ANXA8: variants seen among roughly 807,000 people sequenced by gnomAD.
The protein encoded by ANXA8 is annexin A8.
ANXA8 carries 9 observed loss-of-function variants against 26.8 expected under a neutral mutation model. The ratio of observed to expected loss-of-function variants is 0.34; its 90% CI spans 0.20 to 0.59. ANXA8 has a LOEUF of 0.59. ANXA8 is among the 20% of genes least tolerant of loss of function. ANXA8 has a pLI of 0.84. For missense variants in ANXA8, 83 were observed against 238.5 expected (o/e 0.35, Z 4.29); for synonymous variants, 39 against 94.8 (o/e 0.41, Z 3.42).
At chr10:47,585,341 C>T in the ANXA8 span, among the ~76,000 whole-genome samples, 3 of 140,122 alleles carry the variant, frequency 2.1e-5, no homozygotes, top group African/African-American at 8.5e-5. Context: ...GTTAGTTCCT[C>T]AGATCAGAAC....
chr10:47,540,861 C>T, the ANXA8 span, among the ~76,000 whole-genome samples: 3 of 147,994 alleles, frequency 2.0e-5, no homozygotes, highest in Non-Finnish European at 3.0e-5. Context: ...GAATAACATC[C>T]ATTTTGAGTC....
chr10:47,597,665 GAA>G, the ANXA8 span, among the ~76,000 whole-genome samples: 2 of 114,402 alleles, frequency 1.7e-5, no homozygotes, highest in African/African-American at 3.9e-5. Context: ...AAGAGCCACA[GAA>G]AAAAAAAAAA....
At chr10:47,761,228 T>G in the ANXA8 span, among the ~76,000 whole-genome samples, 1 of 148,614 alleles carries the variant, frequency 6.7e-6, no homozygotes, top group Non-Finnish European at 1.5e-5. Context: ...TCTGGACCTG[T>G]TGCTTATGTG....
the ANXA8 span, among the ~76,000 whole-genome samples, chr10:47,715,455 A>T: frequency 4.0e-3 from 458 of 113,348 alleles, no homozygotes; most frequent in African/African-American, 0.011. Flanking sequence ...TGGAAAAAAA[A>T]AATAATAATA....
chr10:47,979,949 A>G, the ANXA8 span, among the ~76,000 whole-genome samples: 3 of 152,012 alleles, frequency 2.0e-5, no homozygotes, highest in Non-Finnish European at 4.4e-5. Context: ...ACCACAAGAT[A>G]ATAAATTTGT....
At chr10:47,976,433 C>CTTT in the ANXA8 span, among the ~76,000 whole-genome samples, 3 of 151,458 alleles carry the variant, frequency 2.0e-5, no homozygotes, top group Non-Finnish European at 4.4e-5. Flanking sequence ...CTCAGCTAGG[C>CTTT]ATGGTGGCTC....
At chr10:47,688,699 G>A in the ANXA8 span, among the ~76,000 whole-genome samples, 3 of 151,740 alleles carry the variant, frequency 2.0e-5, no homozygotes, top group African/African-American at 4.8e-5. Flanking sequence ...GTGATTACAG[G>A]CGTGAACCAC....
the ANXA8 span, chr10:47,763,196 TC>T: frequency 2.0e-6 from 2 of 988,776 alleles, no homozygotes; most frequent in Admixed American, 6.1e-5. Flanking sequence ...TCCGCGCGGG[TC>T]CCGGGCCCCA....
the ANXA8 span, among the ~76,000 whole-genome samples, chr10:47,709,555 A>G: frequency 6.7e-6 from 1 of 149,112 alleles, no homozygotes; most frequent in Admixed American, 6.6e-5. Flanking sequence ...AGACATAGTA[A>G]CTGAAGAATT....
At chr10:47,588,095 G>T in the ANXA8 span, among the ~76,000 whole-genome samples, 1 of 144,472 alleles carries the variant, frequency 6.9e-6, no homozygotes, top group Non-Finnish European at 1.5e-5. Flanking sequence ...TGGTGACAAT[G>T]GGAGAAAGTA....
At chr10:47,695,040 C>A in the ANXA8 span, among the ~76,000 whole-genome samples, 1 of 151,700 alleles carries the variant, frequency 6.6e-6, no homozygotes, top group African/African-American at 2.4e-5. Context: ...CCAACATAGG[C>A]TTCACAGTCC....
At chr10:47,957,430 T>C in the ANXA8 span, among the ~76,000 whole-genome samples, 1 of 150,496 alleles carries the variant, frequency 6.6e-6, no homozygotes, top group Admixed American at 6.6e-5. Flanking sequence ...CCTGCTGGCC[T>C]CCAGGGCCCC....
the ANXA8 span, among the ~76,000 whole-genome samples, chr10:47,646,490 A>G: frequency 6.7e-6 from 1 of 148,950 alleles, no homozygotes; most frequent in African/African-American, 2.5e-5. Flanking sequence ...TTAGAACACA[A>G]TTATATTTAT....
chr10:47,689,451 C>T, the ANXA8 span, among the ~76,000 whole-genome samples: 1 of 151,942 alleles, frequency 6.6e-6, no homozygotes, highest in East Asian at 1.9e-4. Context: ...GCTGGGATTA[C>T]AGGTGTGAGC....
At chr10:47,517,579 A>G in the ANXA8 span, among the ~76,000 whole-genome samples, 12 of 140,352 alleles carry the variant, frequency 8.5e-5, no homozygotes, top group African/African-American at 2.2e-4. Context: ...GCCTTAAGGC[A>G]GATCTTTTGA....
chr10:47,587,650 AAAT>A, the ANXA8 span, among the ~76,000 whole-genome samples: 1 of 147,086 alleles, frequency 6.8e-6, no homozygotes, highest in East Asian at 1.9e-4. Context: ...AGATAAATGT[AAAT>A]AATAATATCT....
At chr10:47,496,281 G>C in the ANXA8 span, 1 of 152,278 alleles carries the variant, frequency 6.6e-6, no homozygotes, top group South Asian at 2.1e-4. Flanking sequence ...TGAATGTGAG[G>C]GTTTTGTGAC....
At chr10:47,495,255 C>CATTATTATTATTATT in the ANXA8 span, among the ~76,000 whole-genome samples, 52 of 103,022 alleles carry the variant, frequency 5.0e-4, no homozygotes, top group Admixed American at 8.1e-4. Context: ...AGAAACATGG[C>CATTATTATTATTATT]ATTATTATTA....
At chr10:47,985,156 C>A in the ANXA8 span, among the ~76,000 whole-genome samples, 10 of 149,354 alleles carry the variant, frequency 6.7e-5, no homozygotes, top group African/African-American at 2.5e-4. Context: ...AGAAATTGGG[C>A]AATAGACATG....
Sources: allele counts gnomAD v4.1 joint callset (sites outside exome capture counted in the v4.1 genomes callset), GRCh38; gene constraint gnomAD v4.1.1; transcripts MANE v1.5; gene names NCBI Gene and HGNC (gene_info 2026-07-23, HGNC 2026-07-21).